The following RAB3A variants were observed in gnomAD, a reference collection of about 807,000 sequenced individuals.
The protein encoded by RAB3A is ras-related protein Rab-3A.
A neutral mutation model predicts 19.7 loss-of-function variants in RAB3A; 5 were observed. The observed-to-expected ratio is 0.25, with a 90% CI of 0.13 to 0.53. RAB3A has a LOEUF of 0.53. RAB3A is among the 20% of genes least tolerant of loss of function. The pLI, the probability that RAB3A is intolerant of heterozygous loss-of-function variation, is 0.95. For synonymous variants in RAB3A, 119 were observed against 122.1 expected, an observed-to-expected ratio of 0.97 and a Z score of 0.17; for missense variants, 189 against 305.6, an observed-to-expected ratio of 0.62 and a Z score of 2.85.
At chr19:18,198,687 T>A (rs1392671775) in intron 4 of RAB3A, 38 bp downstream of exon 4, 1 of 1,612,072 alleles carries the variant, frequency 6.2e-7, no homozygotes. Context: ...GTGTCCTTTT[T>A]CTAGACTTGT....
At chr19:18,198,597 G>T in intron 4 of RAB3A, 128 bp downstream of exon 4, 1 of 1,227,998 alleles carries the variant, frequency 8.1e-7, no homozygotes, top group Non-Finnish European at 1.1e-6. Flanking sequence ...AATGGCTCCT[G>T]GATGAAGGCT....
chr19:18,203,183 C>A (rs1277860444), intron 1 of RAB3A, among the ~76,000 whole-genome samples: 1 of 152,190 alleles, frequency 6.6e-6, no homozygotes, highest in Non-Finnish European at 1.5e-5. Flanking sequence ...ACCTCCAGGC[C>A]GGAGAGCTCC....
At chr19:18,200,291 GAAAAGAAAAA>G (rs773808464) in intron 3 of RAB3A, 26 bp downstream of exon 3, 18 of 1,521,604 alleles carry the variant, frequency 1.2e-5, no homozygotes, top group Non-Finnish European at 1.4e-5. Flanking sequence ...TCAAAGAAAA[GAAAAGAAAAA>G]AAAAGAGCAA....
rs763464384 is a variant in RAB3A, at chr19:18,197,570, G to C, written c.563C>G (p.Ser188Cys). Residue 188 changes from serine (S) to cysteine (C), a missense_variant, in exon 5 of 5, where the codon TCC (serine) becomes TGC (cysteine). Coordinates refer to ENST00000222256, the MANE Select transcript of RAB3A (RefSeq NM_002866.5). Reference protein sequence around the residue: ...RLVDVICEKMSESLDTADPAV... With the variant: ...RLVDVICEKMCESLDTADPAV... ...AGGGTCCGCCGTGTCCAACGACTCG[G>C]ACATCTTCTCGCAGATGACATCCAC... is the stretch of plus-strand genomic sequence containing the variant. The C allele has an allele frequency of 6.2e-7, 1 of 1,614,056 alleles. No homozygotes were observed. Among genetic ancestry groups the C allele is most frequent in the South Asian group, 1.1e-5 (1 of 91,080 alleles).
chr19:18,198,172 C>T (rs915508768), intron 4 of RAB3A, among the ~76,000 whole-genome samples: 3 of 152,130 alleles, frequency 2.0e-5, no homozygotes, highest in African/African-American at 7.2e-5. Flanking sequence ...GCTGTGACCT[C>T]CCCCTGCTCA....
At chr19:18,200,674 C>G (rs980228820) in intron 2 of RAB3A, among the ~76,000 whole-genome samples, 2 of 152,178 alleles carry the variant, frequency 1.3e-5, no homozygotes, top group African/African-American at 4.8e-5. Context: ...GTGGCTCACA[C>G]CTGTAATCCC....
Position 18,197,383 on chromosome 19 carries a change from C to T in RAB3A, c.*87G>A, listed in dbSNP as rs906384491. ...TAAGTCAGGAGCAGGGGTCTTGTGC[C>T]CGTGGCTGGTAGGGGCCGGGTCAGG... is the stretch of plus-strand genomic sequence containing the variant. On this transcript the variant is annotated 3_prime_UTR_variant, in exon 5 of 5. Coordinates refer to ENST00000222256, the MANE Select transcript of RAB3A (RefSeq NM_002866.5). 1.0e-5 allele frequency: 13 copies of T among 1,270,110 alleles called. No individual in the cohort carries two copies. The highest frequency in any genetic ancestry group is 3.1e-5 in the African/African-American group (2 of 64,824). The allele number at this position is 1,270,110 out of a possible 1,614,324, so 78.7% of individuals were successfully genotyped here.
rs1346937600 is a variant in RAB3A, at chr19:18,202,012, C to T, written c.228+501G>A. Among the ~76,000 whole-genome samples, 1 of 151,718 alleles carries T rather than the reference C, an allele frequency of 6.6e-6. No homozygotes were observed. Among genetic ancestry groups the T allele is most frequent in the African/African-American group, 2.4e-5 (1 of 41,298 alleles). ...CTTTGAGAGGCTGAGGTGGGAGGAT[C>T]GCTTGAGCCCAGGAGTTCAAGACCA... On this transcript the variant is annotated intron_variant, in intron 2 of 4. Coordinates refer to ENST00000222256, the MANE Select transcript of RAB3A (RefSeq NM_002866.5). This position sits in a 1 kb window ranked among gnomAD's most constrained non-coding sequence, Gnocchi z 4.2.
At chr19:18,200,220 C>G in intron 3 of RAB3A, 107 bp downstream of exon 3, 2 of 864,774 alleles carry the variant, frequency 2.3e-6, no homozygotes, top group Non-Finnish European at 3.5e-6. Flanking sequence ...GAGGTCGAGG[C>G]TGCAGTGAGC....
chr19:18,197,667 T>A lies in RAB3A; in HGVS notation c.473-7A>T, dbSNP rs935348591. On this transcript the variant is annotated splice_polypyrimidine_tract_variant and splice_region_variant and intron_variant, in intron 4 of 4. Coordinates refer to ENST00000222256, the MANE Select transcript of RAB3A (RefSeq NM_002866.5). ...GCCTCAAAGAACTCGAACCCTGTGG[T>A]CAGAGAAGGCAGGGATGAGGACCCT... 3.1e-6 allele frequency: 5 copies of A among 1,604,798 alleles called. No homozygotes were observed. The highest frequency in any genetic ancestry group is 4.3e-6 in the Non-Finnish European group (5 of 1,173,520).
At chr19:18,198,449 C>G (rs570834116) in intron 4 of RAB3A, among the ~76,000 whole-genome samples, 28 of 152,256 alleles carry the variant, frequency 1.8e-4, no homozygotes, top group Admixed American at 3.3e-4. Context: ...CTCCCTCTAC[C>G]TCAGGGGTCC....
Position 18,202,944 on chromosome 19 carries a change from G to A in RAB3A, c.1-204C>T. 1.8e-6 allele frequency: 1 copy of A among 555,676 alleles called. No individual in the cohort carries two copies. The highest frequency in any genetic ancestry group is 3.2e-6 in the Non-Finnish European group (1 of 310,666). The allele number at this position is 555,676 out of a possible 1,614,324, so 34.4% of individuals were successfully genotyped here. Reference sequence around the variant, plus strand: ...TTGAAATCCTGGGCGTTTCAGAGGAGGGGCTCAGAGGGTTGCCGATGGGGA... The same window carrying A: ...TTGAAATCCTGGGCGTTTCAGAGGAAGGGCTCAGAGGGTTGCCGATGGGGA... On this transcript the variant is annotated intron_variant, in intron 1 of 4. Transcript: ENST00000222256. This position sits in a 1 kb window ranked among gnomAD's most constrained non-coding sequence, Gnocchi z 4.2.
chr19:18,199,367 C>T (rs980561946), intron 3 of RAB3A, among the ~76,000 whole-genome samples: 3 of 151,814 alleles, frequency 2.0e-5, no homozygotes, highest in South Asian at 4.1e-4. Context: ...ATGTTGGCCA[C>T]GATGGACTCG....
intron 1 of RAB3A, among the ~76,000 whole-genome samples, chr19:18,203,138 C>T (rs532889514): frequency 9.2e-5 from 14 of 152,282 alleles, no homozygotes; most frequent in African/African-American, 2.9e-4. Context: ...CATGGTCCCT[C>T]GAGGACGCGC....
chr19:18,201,457 G>T (rs535717900), intron 2 of RAB3A, among the ~76,000 whole-genome samples: 10 of 151,886 alleles, frequency 6.6e-5, no homozygotes, highest in African/African-American at 2.4e-4. Flanking sequence ...TTGGTGGTGA[G>T]CCCCTGTAAT....
chr19:18,199,437 G>A (rs1474649422), intron 3 of RAB3A, among the ~76,000 whole-genome samples: 4 of 152,122 alleles, frequency 2.6e-5, no homozygotes, highest in African/African-American at 9.7e-5. Flanking sequence ...TTATAGGCAT[G>A]AGCCACTGTG....
chr19:18,203,708 G>T (rs1600035083), intron 1 of RAB3A, among the ~76,000 whole-genome samples, 188 bp downstream of exon 1: 1 of 152,204 alleles, frequency 6.6e-6, no homozygotes, highest in Non-Finnish European at 1.5e-5. Flanking sequence ...GGGTTGGGGG[G>T]GTTAGTGGTG....
chr19:18,203,692 G>C (rs1967645445), intron 1 of RAB3A, among the ~76,000 whole-genome samples: 1 of 152,216 alleles, frequency 6.6e-6, no homozygotes, highest in Non-Finnish European at 1.5e-5. Flanking sequence ...CCGCCGCAGA[G>C]CAGGGGGGTT....
In RAB3A at chr19:18,202,384, C is replaced by T; in HGVS notation, c.228+129G>A. The T allele has an allele frequency of 2.5e-6, 2 of 806,446 alleles. No homozygotes were observed. Among genetic ancestry groups the T allele is most frequent in the African/African-American group, 1.7e-5 (1 of 58,754 alleles). The allele number at this position is 806,446 out of a possible 1,614,324, so 50.0% of individuals were successfully genotyped here. On this transcript the variant is annotated intron_variant, in intron 2 of 4. Transcript: ENST00000222256. The surrounding 1 kb of genome is among the most constrained non-coding windows in gnomAD (Gnocchi z 4.2). ...TTTCTGCCCCGGTACACAGTGGGCA[C>T]CTTACTGATAAATGCCCAGTGTGTA...
Sources: gnomAD v4.1 joint callset for allele counts (sites outside exome capture counted in the v4.1 genomes callset) on GRCh38, gnomAD v4.1.1 for gene constraint, Gnocchi (gnomAD v3.1) non-coding constraint, MANE v1.5 for transcripts, NCBI Gene and HGNC (gene_info 2026-07-23, HGNC 2026-07-21) for gene names.